The following RBL1 variants were observed in gnomAD, a reference collection of about 807,000 sequenced individuals.
RBL1 encodes RB transcriptional corepressor like 1.
A neutral mutation model predicts 123.0 loss-of-function variants in RBL1; 82 were observed. The ratio of observed to expected loss-of-function variants is 0.67; its 90% CI spans 0.56 to 0.80. The LOEUF is 0.80. RBL1 is among the 30% of genes least tolerant of loss of function. The probability of loss-of-function intolerance (pLI) is 0.00; values close to 1 mark genes in which losing one functional copy is unlikely to be tolerated. For synonymous variants in RBL1, 405 were observed against 441.3 expected (o/e 0.92, Z 1.03); for missense variants, 1,171 against 1,299.6 (o/e 0.90, Z 1.52).
In RBL1 at chr20:36,997,142, G is replaced by A. The variant is rs1370325070; in HGVS notation, c.*1617C>T. On this transcript the variant is annotated 3_prime_UTR_variant, in exon 22 of 22. Coordinates refer to ENST00000373664, the MANE Select transcript of RBL1 (RefSeq NM_002895.5). The stretch of plus-strand genomic sequence containing the variant: ...TATGAGTGGCTTATTCATGTCCTTT[G>A]GATTCCAGACACACACTAGAAAAAG... 3 of 152,024 alleles carry A rather than the reference G, an allele frequency of 2.0e-5. No individual in the cohort carries two copies. Among genetic ancestry groups the A allele is most frequent in the Non-Finnish European group, 4.4e-5 (3 of 68,020 alleles). 9.4% of individuals were successfully genotyped at this position (152,024 alleles called of 1,614,324 possible).
intron 1 of RBL1, among the ~76,000 whole-genome samples, chr20:37,092,787 T>C (rs943391292): frequency 7.2e-5 from 11 of 152,154 alleles, no homozygotes; most frequent in African/African-American, 2.7e-4. Context: ...CCACTGTGCC[T>C]GGCCTGACTT....
chr20:37,007,595 T>C lies in RBL1; in HGVS notation c.2723-36A>G, dbSNP rs552130121. On this transcript the variant is annotated intron_variant, in intron 19 of 21. Coordinates refer to ENST00000373664, the MANE Select transcript of RBL1 (RefSeq NM_002895.5). ...GAATGCAATGTTGTGATACAAAGCA[T>C]ACTTTTTATTTTTTTGAGACAGGGT... 5 of 1,600,276 alleles carry C rather than the reference T, an allele frequency of 3.1e-6. No individual in the cohort carries two copies. In the African/African-American group the frequency reaches 4.0e-5, roughly 13 times the overall value.
intron 13 of RBL1, 45 bp downstream of exon 13, chr20:37,044,041 T>G (rs771414749): frequency 6.4e-6 from 9 of 1,403,994 alleles, no homozygotes; most frequent in African/African-American, 4.4e-5. Context: ...TGGTTTTTTT[T>G]TTTTTTTTTT....
At chr20:37,064,139 C>CTTTTT (rs1037547663) in intron 7 of RBL1, among the ~76,000 whole-genome samples, 1 of 131,846 alleles carries the variant, frequency 7.6e-6, no homozygotes, top group African/African-American at 2.8e-5. Context: ...TCTTTTCTTT[C>CTTTTT]TTTTTTTTTT....
intron 2 of RBL1, chr20:37,081,909 C>T (rs1380373405): frequency 1.1e-5 from 5 of 439,562 alleles, no homozygotes; most frequent in African/African-American, 6.1e-5. Flanking sequence ...GCTGGCTCAG[C>T]GAGATTGGGT....
At chr20:37,059,119 CA>C (rs1215680991) in intron 9 of RBL1, among the ~76,000 whole-genome samples, 3 of 152,142 alleles carry the variant, frequency 2.0e-5, no homozygotes, top group African/African-American at 7.2e-5. Context: ...TTTGCTTTGT[CA>C]CTGCTTTTCA....
At chr20:37,029,698 A>G (rs543111564) in intron 16 of RBL1, among the ~76,000 whole-genome samples, 2 of 152,348 alleles carry the variant, frequency 1.3e-5, no homozygotes, top group Admixed American at 1.3e-4. Context: ...AAAAACCTAA[A>G]GAATCCATAA....
At chr20:37,030,257 G>C (rs372563742) in intron 16 of RBL1, among the ~76,000 whole-genome samples, 1 of 152,178 alleles carries the variant, frequency 6.6e-6, no homozygotes, top group African/African-American at 2.4e-5. Context: ...CCAATGAATA[G>C]AATAGAGAGC....
In RBL1 at chr20:37,079,204, A is replaced by T. The variant is rs1041300720; in HGVS notation, c.290+9785T>A. 4.0e-5 allele frequency among the ~76,000 whole-genome samples: 4 copies of T among 99,454 alleles called. No individual in the cohort carries two copies. The South Asian group carries it at 9.4e-4, about 23-fold the overall frequency. The allele number at this position is 99,454 out of a possible 152,430, so 65.2% of individuals were successfully genotyped here. On this transcript the variant is annotated intron_variant, in intron 2 of 21. Transcript: ENST00000373664. ...CACAGAGTAAGACCCTGTCTCAGCC[A>T]AAAAAAAAAAAAAAAAACCCTCAAA...
At chr20:37,015,135 C>T (rs898807651) in intron 19 of RBL1, among the ~76,000 whole-genome samples, 1 of 149,120 alleles carries the variant, frequency 6.7e-6, no homozygotes, top group Non-Finnish European at 1.5e-5. Flanking sequence ...CCTATATATA[C>T]AGGAAGTGGC....
At chr20:37,061,990 A>C in intron 8 of RBL1, 94 bp downstream of exon 8, 1 of 1,334,640 alleles carries the variant, frequency 7.5e-7, no homozygotes, top group Admixed American at 2.6e-5. Context: ...GAAGAAGCTC[A>C]AGATTTAACT....
In RBL1 at chr20:37,062,081, T is replaced by C; in HGVS notation, c.1083+3A>G. ...AGATTGAGGCCAGGCTAGGTTATAT[T>C]ACTTTTTCAAAGTGCTGTTGAAGGT... On this transcript the variant is annotated splice_donor_region_variant and intron_variant, in intron 8 of 21. Coordinates refer to ENST00000373664, the MANE Select transcript of RBL1 (RefSeq NM_002895.5). 1 of 1,610,666 alleles carries C rather than the reference T, an allele frequency of 6.2e-7. No individual in the cohort carries two copies.
intron 13 of RBL1, among the ~76,000 whole-genome samples, chr20:37,040,877 G>A (rs971374317): frequency 2.0e-5 from 3 of 152,170 alleles, no homozygotes; most frequent in Non-Finnish European, 4.4e-5. Context: ...TTGAGGATCT[G>A]AATGTGAAAT....
At chr20:37,052,708 C>T (rs1047042228) in intron 11 of RBL1, among the ~76,000 whole-genome samples, 7 of 152,136 alleles carry the variant, frequency 4.6e-5, no homozygotes, top group Admixed American at 1.3e-4. Flanking sequence ...CGGGATTTTG[C>T]CATGTTGGTC....
At chr20:37,087,560 C>T (rs532959653) in intron 2 of RBL1, among the ~76,000 whole-genome samples, 2 of 152,162 alleles carry the variant, frequency 1.3e-5, no homozygotes, top group South Asian at 4.2e-4. Flanking sequence ...GCACTCGAGG[C>T]CTGGGCAATA....
At position 37,065,449 on chromosome 20, in the gene RBL1, C is replaced by A; in HGVS notation, c.871G>T (p.Asp291Tyr). 1 of 1,597,530 alleles carries A rather than the reference C, an allele frequency of 6.3e-7. No individual in the cohort carries two copies. The highest frequency in any genetic ancestry group is 1.1e-5 in the South Asian group (1 of 88,962). Residue 291 changes from aspartate (D) to tyrosine (Y), a missense_variant, in exon 7 of 22, where the codon GAC (aspartate) becomes TAC (tyrosine). Asp to Tyr is a radical substitution (Grantham distance 160, BLOSUM62 -3). Transcript: ENST00000373664. ...CTATTATCAGTAAAACTTGAAAGGTCCAGGAGGCATTCTCCTTTTAATATC... is the reference window on the plus strand; with the variant it reads ...CTATTATCAGTAAAACTTGAAAGGTACAGGAGGCATTCTCCTTTTAATATC... ...RKILKGECLLDLSSFTDNSKA... is the reference protein window; with the variant it reads ...RKILKGECLLYLSSFTDNSKA...
chr20:37,049,149 C>A, intron 11 of RBL1: 1 of 244,622 alleles, frequency 4.1e-6, no homozygotes, highest in Non-Finnish European at 7.9e-6. Context: ...GTGCAGTGGG[C>A]CGAGGTCATG....
At chr20:37,038,036 G>A (rs111639001) in intron 14 of RBL1, among the ~76,000 whole-genome samples, 1 of 142,784 alleles carries the variant, frequency 7.0e-6, no homozygotes, top group Admixed American at 7.5e-5. Context: ...TCTGTCCCCA[G>A]GCTGGAGTAC....
chr20:37,033,868 C>G (rs2064557645), intron 15 of RBL1, among the ~76,000 whole-genome samples: 1 of 151,624 alleles, frequency 6.6e-6, no homozygotes, highest in Admixed American at 6.6e-5. Flanking sequence ...CCACCTGCCT[C>G]AGCCTCCCAA....
Sources: allele counts gnomAD v4.1 joint callset (sites outside exome capture counted in the v4.1 genomes callset), GRCh38; gene constraint gnomAD v4.1.1; transcripts MANE v1.5; gene names NCBI Gene and HGNC (gene_info 2026-07-23, HGNC 2026-07-21).